Variants in LZTS3 observed in about 807,000 individuals in gnomAD.
LZTS3 encodes the protein leucine zipper putative tumor suppressor 3.
A neutral mutation model predicts 50.9 loss-of-function variants in LZTS3; 16 were observed. That is an observed-to-expected ratio of 0.31 (90% CI 0.21 to 0.48). LZTS3 has a LOEUF of 0.48. LZTS3 is among the 20% of genes least tolerant of loss of function. The pLI, the probability that LZTS3 is intolerant of heterozygous loss-of-function variation, is 0.99. For missense variants in LZTS3, 816 were observed against 931.0 expected, an observed-to-expected ratio of 0.88 and a Z score of 1.61; for synonymous variants, 408 against 410.6, an observed-to-expected ratio of 0.99 and a Z score of 0.08.
At chr20:3,167,499 G>T in intron 2 of LZTS3, 1 of 1,095,632 alleles carries the variant, frequency 9.1e-7, no homozygotes, top group Non-Finnish European at 1.1e-6. Context: ...CCCCACCTCC[G>T]CCATGAGCTT....
In LZTS3 at chr20:3,167,002, G is replaced by C; in HGVS notation, c.162C>G (p.Ser54Arg). The C allele has an allele frequency of 1.9e-6, 3 of 1,592,242 alleles. No homozygotes were observed. The highest frequency in any genetic ancestry group is 2.6e-6 in the Non-Finnish European group (3 of 1,175,042). ...VAHAQEFAMK[S>R]VGTRTGGGGS... ...CCCCACCCCCTGTGCGGGTACCCACGCTCTTCATGGCAAACTCCTGGGCAT... is the reference window on the plus strand; with the variant it reads ...CCCCACCCCCTGTGCGGGTACCCACCCTCTTCATGGCAAACTCCTGGGCAT... The change falls in exon 3 of 5, where the codon AGC (serine) becomes AGG (arginine). Residue 54 changes from serine to arginine, a missense_variant. Physicochemically the swap from Ser to Arg is moderately radical, Grantham distance 110. Coordinates refer to ENST00000337576, the MANE Select transcript of LZTS3 (RefSeq NM_001365618.1).
chr20:3,165,455 C>G lies in LZTS3; in HGVS notation c.1323+42G>C. On this transcript the variant is annotated intron_variant, in intron 4 of 4. Coordinates refer to ENST00000337576, the MANE Select transcript of LZTS3 (RefSeq NM_001365618.1). This position sits in a 1 kb window ranked among gnomAD's most constrained non-coding sequence, Gnocchi z 5.0. ...ACTGCTCTGGGGTTTCCCAGAGGGACAGAAGGGAGGCAGAGGGGAGGCCCA... is the reference window on the plus strand; with the variant it reads ...ACTGCTCTGGGGTTTCCCAGAGGGAGAGAAGGGAGGCAGAGGGGAGGCCCA... 7.1e-7 allele frequency: 1 copy of G among 1,413,726 alleles called. No individual in the cohort carries two copies. 87.6% of individuals were successfully genotyped at this position (1,413,726 alleles called of 1,614,324 possible). A position where few individuals can be genotyped will look rare whatever the true frequency, so the allele number is the denominator to read the frequency against.
At chr20:3,170,497 A>AACAAAAAC (rs1555768567) in intron 1 of LZTS3, among the ~76,000 whole-genome samples, 2 of 150,128 alleles carry the variant, frequency 1.3e-5, no homozygotes, top group Non-Finnish European at 3.0e-5. Context: ...AAAAAAAAAA[A>AACAAAAAC]AAAAAAAAAC....
At chr20:3,172,120 T>C (rs1174206365) in intron 1 of LZTS3, among the ~76,000 whole-genome samples, 2 of 152,058 alleles carry the variant, frequency 1.3e-5, no homozygotes, top group African/African-American at 4.8e-5. Context: ...TCTCCTGCAC[T>C]CCCTCCCCCA....
chr20:3,167,038 A>G lies in LZTS3; in HGVS notation c.126T>C (p.Ser42=). 1.3e-6 allele frequency: 2 copies of G among 1,578,178 alleles called. No individual in the cohort carries two copies. The highest frequency in any genetic ancestry group is 1.7e-6 in the Non-Finnish European group (2 of 1,166,470). ...CAAACTCCTGGGCATGGGCCACCCC[A>G]CTGCCCACGCTGCCCATGGCCAGGC... The part of the protein sequence containing the change: ...DPRLAMGSVG[S]GVAHAQEFAM... Residue 42 remains serine, a synonymous_variant, in exon 3 of 5, where the codon AGT becomes AGC. Coordinates refer to ENST00000337576, the MANE Select transcript of LZTS3 (RefSeq NM_001365618.1).
intron 1 of LZTS3, among the ~76,000 whole-genome samples, chr20:3,172,185 G>A (rs2066910057): frequency 6.6e-6 from 1 of 152,208 alleles, no homozygotes; most frequent in Admixed American, 6.5e-5. Context: ...CCCCTGCTCT[G>A]TCCAAATCCT....
rs557451861 is a variant in LZTS3, at chr20:3,168,927, C to T, written c.-242-966G>A. Among the ~76,000 whole-genome samples, 45 of 152,290 alleles carry T rather than the reference C, an allele frequency of 3.0e-4. No homozygotes were observed. The East Asian group carries it at 7.9e-3, about 27-fold the overall frequency. On this transcript the variant is annotated intron_variant, in intron 1 of 4. Coordinates refer to ENST00000337576, the MANE Select transcript of LZTS3 (RefSeq NM_001365618.1). ...GGCACCTGACAAAACTGTTGTCCTT[C>T]GGGAGTCTTCTGGCCCCCACACCAG...
At position 3,167,039 on chromosome 20, in the gene LZTS3, C is replaced by G; in HGVS notation, c.125G>C (p.Ser42Thr). The change falls in exon 3 of 5, where the codon AGT becomes ACT. Residue 42 changes from serine to threonine, a missense_variant. Transcript: ENST00000337576. ...AAACTCCTGGGCATGGGCCACCCCA[C>G]TGCCCACGCTGCCCATGGCCAGGCG... is the stretch of plus-strand genomic sequence containing the variant. ...DPRLAMGSVG[S>T]GVAHAQEFAM... 6.4e-7 allele frequency: 1 copy of G among 1,573,394 alleles called. No individual in the cohort carries two copies. The highest frequency in any genetic ancestry group is 8.6e-7 in the Non-Finnish European group (1 of 1,163,812).
rs2066852154 is a variant in LZTS3, at chr20:3,167,814, AG to A, written c.-96del. On this transcript the variant is annotated 5_prime_UTR_variant, in exon 2 of 5. It removes the in-frame stop codon of an upstream open reading frame in the 5' UTR. Transcript: ENST00000337576. Reference sequence around the variant, plus strand: ...CTCTCCTTGCCTTTCCAAGGGGTTGAGGGGCCGACGGGTCCTCAAGCCTGGG... The same window carrying A: ...CTCTCCTTGCCTTTCCAAGGGGTTGAGGGCCGACGGGTCCTCAAGCCTGGG... The A allele has an allele frequency of 2.0e-6, 2 of 985,210 alleles. No individual in the cohort carries two copies. Among genetic ancestry groups the A allele is most frequent in the Non-Finnish European group, 1.2e-6 (1 of 829,926 alleles). The allele number at this position is 985,210 out of a possible 1,614,324, so 61.0% of individuals were successfully genotyped here.
chr20:3,166,334 C>T lies in LZTS3; in HGVS notation c.486G>A (p.Ser162=), dbSNP rs200251782. The change falls in exon 4 of 5, where the codon TCG becomes TCA. Residue 162 remains serine, a synonymous_variant. Coordinates refer to ENST00000337576, the MANE Select transcript of LZTS3 (RefSeq NM_001365618.1). The part of the protein sequence containing the change: ...DQCSEPLVRP[S]AFKPVVPKNF... The stretch of plus-strand genomic sequence containing the variant: ...TCTTGGGTACGACAGGCTTGAAGGC[C>T]GACGGCCGAACTAGTGGTTCTGAGC... 3.5e-5 allele frequency: 56 copies of T among 1,611,900 alleles called. 1 individual carries two copies. Among genetic ancestry groups the T allele is most frequent in the Admixed American group, 3.2e-4 (19 of 59,864 alleles).
At position 3,164,591 on chromosome 20, in the gene LZTS3, G is replaced by T. The variant is rs1158621826; in HGVS notation, c.1885C>A (p.Arg629Ser). Residue 629 changes from arginine to serine, a missense_variant, in exon 5 of 5, where the codon CGC (arginine) becomes AGC (serine). By Grantham distance (110) the Arg-to-Ser change is moderately radical (BLOSUM62 -1). Around this residue, in one of 3 missense-constraint regions of LZTS3, gnomAD observed 107 missense variants for 130.4 expected, o/e 0.82. Transcript: ENST00000337576. ...AGCCTGCGCTCCAGCTGCTGGTTGC[G>T]CTGGTACATCTCCACGTAGCTCAGC... ...LQLSYVEMYQ[R>S]NQQLERRLRE... 1 of 1,612,078 alleles carries T rather than the reference G, an allele frequency of 6.2e-7. No individual in the cohort carries two copies.
rs372524782 is a variant in LZTS3, at chr20:3,169,389, T to G, written c.-242-1428A>C. 1.7e-3 allele frequency among the ~76,000 whole-genome samples: 252 copies of G among 152,240 alleles called. 3 individuals carry two copies. The South Asian group carries it at 0.022, about 13-fold the overall frequency. On this transcript the variant is annotated intron_variant, in intron 1 of 4. Transcript: ENST00000337576. Reference sequence around the variant, plus strand: ...GGATGAAGCCTGAAAGGCCTGAGGCTTGGAACCAGTAGGAAGGCCTGGGCA... The same window carrying G: ...GGATGAAGCCTGAAAGGCCTGAGGCGTGGAACCAGTAGGAAGGCCTGGGCA...
Position 3,162,935 on chromosome 20 carries a change from A to T in LZTS3, c.*1519T>A, listed in dbSNP as rs35899297. The stretch of plus-strand genomic sequence containing the variant: ...AGGACCACCCAGAAGGGCTGTGCAG[A>T]GGGTTAGAGGCCACACAGAGGGGCA... On this transcript the variant is annotated 3_prime_UTR_variant, in exon 5 of 5. Coordinates refer to ENST00000337576, the MANE Select transcript of LZTS3 (RefSeq NM_001365618.1). This position sits in a 1 kb window ranked among gnomAD's most constrained non-coding sequence, Gnocchi z 5.0. The T allele has an allele frequency of 0.011, 1,692 of 152,418 alleles. 14 individuals carry two copies. The highest frequency in any genetic ancestry group is 0.014 in the Non-Finnish European group (935 of 67,988). 9.4% of individuals were successfully genotyped at this position (152,418 alleles called of 1,614,324 possible).
Position 3,165,394 on chromosome 20 carries a change from C to CCCG in LZTS3, c.1323+102_1323+103insCGG, listed in dbSNP as rs1261762590. ...TTTTGTCCCCCCTGCTCCTTTCATCCCCCCCCCCATCCCACCGTTATGATA... is the reference window on the plus strand; with the variant it reads ...TTTTGTCCCCCCTGCTCCTTTCATCCCCGCCCCCCCCATCCCACCGTTATGATA... On this transcript the variant is annotated intron_variant, in intron 4 of 4. Coordinates refer to ENST00000337576, the MANE Select transcript of LZTS3 (RefSeq NM_001365618.1). The surrounding 1 kb of genome is among the most constrained non-coding windows in gnomAD (Gnocchi z 5.0). The CCCG allele has an allele frequency of 9.9e-5, 97 of 980,958 alleles. 1 individual carries two copies. The highest frequency in any genetic ancestry group is 1.1e-4 in the Admixed American group (4 of 36,558). 60.8% of individuals were successfully genotyped at this position (980,958 alleles called of 1,614,324 possible). A position where few individuals can be genotyped will look rare whatever the true frequency, so the allele number is the denominator to read the frequency against.
At position 3,164,803 on chromosome 20, in the gene LZTS3, A is replaced by C; in HGVS notation, c.1673T>G (p.Val558Gly). 1 of 1,538,388 alleles carries C rather than the reference A, an allele frequency of 6.5e-7. No individual in the cohort carries two copies. The highest frequency in any genetic ancestry group is 8.7e-7 in the Non-Finnish European group (1 of 1,145,422). ...GVAAAASLVSVDGEAEAGGES... is the reference protein window; with the variant it reads ...GVAAAASLVSGDGEAEAGGES... ...CCCGCCAGCCTCCGCCTCCCCGTCC[A>C]CGGAAACCAAGGAGGCGGCAGCGGC... Residue 558 changes from valine to glycine, a missense_variant, in exon 5 of 5, where the codon GTG becomes GGG. Coordinates refer to ENST00000337576, the MANE Select transcript of LZTS3 (RefSeq NM_001365618.1).
rs1027737121 is a variant in LZTS3, at chr20:3,167,758, A to G, written c.-39T>C. 6 of 985,462 alleles carry G rather than the reference A, an allele frequency of 6.1e-6. No homozygotes were observed. Among genetic ancestry groups the G allele is most frequent in the Non-Finnish European group, 7.2e-6 (6 of 830,092 alleles). The allele number at this position is 985,462 out of a possible 1,614,324, so 61.0% of individuals were successfully genotyped here. ...CTAACCTAAGTGTTGCAGTCAGGGCAGAAGTGGAAGCTCACTACCAGCGCA... is the reference window on the plus strand; with the variant it reads ...CTAACCTAAGTGTTGCAGTCAGGGCGGAAGTGGAAGCTCACTACCAGCGCA... On this transcript the variant is annotated 5_prime_UTR_variant, in exon 2 of 5. Transcript: ENST00000337576.
chr20:3,166,562 G>T, intron 3 of LZTS3, 143 bp downstream of exon 3: 1 of 1,203,748 alleles, frequency 8.3e-7, no homozygotes, highest in Non-Finnish European at 1.1e-6. Flanking sequence ...CTTGGCCCCA[G>T]GTCCCCAGTC....
Position 3,165,784 on chromosome 20 carries a change from C to G in LZTS3, c.1036G>C (p.Glu346Gln), listed in dbSNP as rs769332874. Reference sequence around the variant, plus strand: ...TCCAGTACCTGGGCCACAGCCGCCTCGCTCTGCTCCAGGCTGCGCCGCAGA... The same window carrying G: ...TCCAGTACCTGGGCCACAGCCGCCTGGCTCTGCTCCAGGCTGCGCCGCAGA... ...AALRRSLEQS[E>Q]AAVAQVLEER... is the part of the protein sequence containing the mutation. The change falls in exon 4 of 5, where the codon GAG becomes CAG. Residue 346 changes from glutamate (E) to glutamine (Q), a missense_variant. By Grantham distance (29) the Glu-to-Gln change is conservative. Around this residue, in one of 3 missense-constraint regions of LZTS3, gnomAD observed 700 missense variants for 769.4 expected, o/e 0.91. Transcript: ENST00000337576. This position sits in a 1 kb window ranked among gnomAD's most constrained non-coding sequence, Gnocchi z 5.0. 11 of 1,588,324 alleles carry G rather than the reference C, an allele frequency of 6.9e-6. No homozygotes were observed. Among genetic ancestry groups the G allele is most frequent in the African/African-American group, 5.4e-5 (4 of 74,612 alleles).
rs1491090117 is a variant in LZTS3 at position 3,165,393 on chromosome 20, C to CG, written c.1323+103_1323+104insC. The CG allele has an allele frequency of 5.8e-4, 327 of 560,648 alleles. 21 individuals are homozygous for CG. The highest frequency in any genetic ancestry group is 6.8e-4 in the Non-Finnish European group (284 of 418,260). 34.7% of individuals were successfully genotyped at this position (560,648 alleles called of 1,614,324 possible). A position where few individuals can be genotyped will look rare whatever the true frequency, so the allele number is the denominator to read the frequency against. On this transcript the variant is annotated intron_variant, in intron 4 of 4. Transcript: ENST00000337576. This position sits in a 1 kb window ranked among gnomAD's most constrained non-coding sequence, Gnocchi z 5.0. ...TTTTTGTCCCCCCTGCTCCTTTCATCCCCCCCCCCATCCCACCGTTATGAT... is the reference window on the plus strand; with the variant it reads ...TTTTTGTCCCCCCTGCTCCTTTCATCGCCCCCCCCCATCCCACCGTTATGAT...
Sources: allele counts gnomAD v4.1 joint callset (sites outside exome capture counted in the v4.1 genomes callset), GRCh38; gene constraint gnomAD v4.1.1; regional missense constraint gnomAD v4.1.1; non-coding constraint Gnocchi (gnomAD v3.1); transcripts MANE v1.5; gene names NCBI Gene and HGNC (gene_info 2026-07-23, HGNC 2026-07-21).